The following MAOB variants were observed in gnomAD, a reference collection of about 807,000 sequenced individuals.
The protein encoded by MAOB is amine oxidase [flavin-containing] B.
Under a neutral mutation model 41.9 loss-of-function variants are expected in MAOB, and 15 were observed. The observed-to-expected ratio is 0.36, with a 90% CI of 0.24 to 0.55. The LOEUF (loss-of-function observed/expected upper bound fraction) is 0.55. Ranked by LOEUF, MAOB falls within the 20% of genes least tolerant of loss-of-function variation. The pLI is 0.86. For missense variants in MAOB, 345 were observed against 398.7 expected, an observed-to-expected ratio of 0.87 and a Z score of 1.15; for synonymous variants, 167 against 144.2, an observed-to-expected ratio of 1.16 and a Z score of -1.13.
intron 1 of MAOB, among the ~76,000 whole-genome samples, chrX:43,881,204 G>T (rs945289413): frequency 8.8e-6 from 1 of 113,176 alleles, no homozygotes; most frequent in Admixed American, 9.2e-5. Flanking sequence ...CAATGCCTTG[G>T]TTTTTTCTCC....
At chrX:43,814,295 C>T (rs1025673357) in intron 3 of MAOB, among the ~76,000 whole-genome samples, 1 of 112,052 alleles carries the variant, frequency 8.9e-6, no homozygotes, top group Non-Finnish European at 1.9e-5. Context: ...AGGTGGCTGC[C>T]TCTGTGCTCT....
chrX:43,845,890 T>C (rs2035197037), intron 1 of MAOB, among the ~76,000 whole-genome samples: 1 of 111,996 alleles, frequency 8.9e-6, no homozygotes, highest in Admixed American at 9.5e-5. Flanking sequence ...TTTCATTATT[T>C]GAGTTAATCC....
At chrX:43,853,267 CAAAAAAAAAAA>C (rs397957481) in intron 1 of MAOB, among the ~76,000 whole-genome samples, 1 of 26,446 alleles carries the variant, frequency 3.8e-5, no homozygotes, top group Non-Finnish European at 7.2e-5. Context: ...GAGTCCGTCT[CAAAAAAAAAAA>C]AAAAAAAAAA....
At chrX:43,875,715 C>T (rs1008281178) in intron 1 of MAOB, among the ~76,000 whole-genome samples, 1 of 111,192 alleles carries the variant, frequency 9.0e-6, no homozygotes, top group African/African-American at 3.3e-5. Flanking sequence ...TTCCAGGGTG[C>T]CCTCAATTGA....
intron 8 of MAOB, among the ~76,000 whole-genome samples, chrX:43,783,724 G>C (rs1423989082): frequency 9.0e-6 from 1 of 111,726 alleles, no homozygotes; most frequent in Non-Finnish European, 1.9e-5. Flanking sequence ...CTGAAGGTTG[G>C]TGTGGCTGTG....
At chrX:43,869,788 A>G (rs2035388878) in intron 1 of MAOB, among the ~76,000 whole-genome samples, 1 of 112,227 alleles carries the variant, frequency 8.9e-6, no homozygotes. Flanking sequence ...CAAGTAGCAC[A>G]TATCAAAAGG....
chrX:43,774,756 T>C (rs7888450), intron 12 of MAOB, among the ~76,000 whole-genome samples: 6,746 of 111,841 alleles, frequency 0.06, 429 homozygotes, highest in South Asian at 0.18. Context: ...TCTTCTGACA[T>C]TGGGTGAACC....
intron 8 of MAOB, among the ~76,000 whole-genome samples, chrX:43,784,588 C>T (rs183346360): frequency 1.9e-4 from 21 of 112,270 alleles, no homozygotes; most frequent in African/African-American, 6.5e-4. Context: ...AATAAATAGG[C>T]TGTCATTCAG....
chrX:43,786,883 G>C (rs2034406870), intron 8 of MAOB, among the ~76,000 whole-genome samples: 1 of 111,497 alleles, frequency 9.0e-6, no homozygotes, highest in Non-Finnish European at 1.9e-5. Flanking sequence ...GTTCATGCCA[G>C]GACAAGCTAT....
chrX:43,864,971 T>C (rs1020007654), intron 1 of MAOB, among the ~76,000 whole-genome samples: 2 of 111,946 alleles, frequency 1.8e-5, no homozygotes, highest in African/African-American at 3.2e-5. Context: ...CTGCAGATCG[T>C]ACTTTAAAAT....
chrX:43,788,631 A>AC (rs1308784878), intron 8 of MAOB, among the ~76,000 whole-genome samples: 1 of 111,566 alleles, frequency 9.0e-6, no homozygotes, highest in Non-Finnish European at 1.9e-5. Flanking sequence ...TAAGGCACAC[A>AC]ATGAGATACT....
intron 3 of MAOB, 44 bp from the exon 4 acceptor site, chrX:43,803,448 T>G (rs750149196): frequency 8.7e-7 from 1 of 1,144,917 alleles, no homozygotes; most frequent in Admixed American, 3.4e-5. Context: ...TTTACTACAA[T>G]GTAAAAGTAG....
At chrX:43,838,013 G>C (rs1219229020) in intron 3 of MAOB, 6 of 330,636 alleles carry the variant, frequency 1.8e-5, no homozygotes, top group South Asian at 1.3e-4. Context: ...AATGTGACCA[G>C]TGAGAAATCC....
In MAOB at chrX:43,783,391, C is replaced by G. The variant is rs1021402208; in HGVS notation, c.929-1847G>C. On this transcript the variant is annotated intron_variant, in intron 8 of 14. Transcript: ENST00000378069. ...CTGGATAAGAGTGTCTTCCTCAGTTCCCTCCTGAACAAAATACAGGCACAC... is the reference window on the plus strand; with the variant it reads ...CTGGATAAGAGTGTCTTCCTCAGTTGCCTCCTGAACAAAATACAGGCACAC... Among the ~76,000 whole-genome samples the G allele has an allele frequency of 1.6e-4, 18 of 111,487 alleles. 1 individual carries two copies. The highest frequency in any genetic ancestry group is 3.4e-4 in the Non-Finnish European group (18 of 53,090).
At chrX:43,829,716 T>C (rs1372992442) in intron 3 of MAOB, among the ~76,000 whole-genome samples, 1 of 112,314 alleles carries the variant, frequency 8.9e-6, no homozygotes, top group Non-Finnish European at 1.9e-5. Flanking sequence ...TGTTTGAAGT[T>C]AACAGAATAA....
Position 43,843,355 on chromosome X carries a change from TCTCACACACACACA to T in MAOB, c.141+301_141+314del, listed in dbSNP as rs1341909417. ...ATTTTTCTTCCTATTTCTCTCTCTG[TCTCACACACACACA>T]CACACACACACACACACACACACAC... On this transcript the variant is annotated intron_variant, in intron 2 of 14. Transcript: ENST00000378069. Among the ~76,000 whole-genome samples, 17 of 74,537 alleles carry T rather than the reference TCTCACACACACACA, an allele frequency of 2.3e-4. No homozygotes were observed. In the Admixed American group the frequency reaches 2.5e-3, roughly 11 times the overall value. 64.7% of individuals were successfully genotyped at this position (74,537 alleles called of 115,157 possible).
chrX:43,873,672 G>A (rs936897859), intron 1 of MAOB, among the ~76,000 whole-genome samples: 3 of 111,113 alleles, frequency 2.7e-5, no homozygotes, highest in African/African-American at 9.8e-5. Context: ...ATTTTTGTTC[G>A]TTTTTGTTTG....
intron 1 of MAOB, among the ~76,000 whole-genome samples, chrX:43,874,351 T>C (rs2035427244): frequency 9.0e-6 from 1 of 111,419 alleles, no homozygotes; most frequent in Non-Finnish European, 1.9e-5. Context: ...TCTTCCCTTC[T>C]TTCTATCCCC....
At chrX:43,823,293 C>A (rs1488062762) in intron 3 of MAOB, among the ~76,000 whole-genome samples, 1 of 107,107 alleles carries the variant, frequency 9.3e-6, no homozygotes, top group Non-Finnish European at 1.9e-5. Context: ...CTGCCTCAGC[C>A]TCCCAAGTAA....
Sources: allele counts gnomAD v4.1 joint callset (sites outside exome capture counted in the v4.1 genomes callset), GRCh38; gene constraint gnomAD v4.1.1; transcripts MANE v1.5; gene names NCBI Gene and HGNC (gene_info 2026-07-23, HGNC 2026-07-21).